PCDHA11: variants seen among roughly 807,000 people sequenced by gnomAD.
The protein encoded by PCDHA11 is protocadherin alpha-11.
A neutral mutation model predicts 70.3 loss-of-function variants in PCDHA11; 61 were observed. That is an observed-to-expected ratio of 0.87 (90% confidence interval 0.71 to 1.07). The LOEUF is 1.07. Ranked by LOEUF, PCDHA11 falls within the 50% of genes least tolerant of loss-of-function variation. PCDHA11 has a pLI of 0.00. For synonymous variants in PCDHA11, 633 were observed against 555.1 expected (o/e 1.14, Z -1.97); for missense variants, 1,324 against 1,237.5 (o/e 1.07, Z -1.05).
intron 1 of PCDHA11, chr5:140,876,569 G>C (rs1554168675): frequency 6.2e-7 from 1 of 1,614,186 alleles, no homozygotes; most frequent in Admixed American, 1.7e-5. Flanking sequence ...GCTCAGGTGG[G>C]TACCGTCATT....
chr5:140,876,191 C>T (rs1313911800), intron 1 of PCDHA11: 3 of 1,613,760 alleles, frequency 1.9e-6, no homozygotes, highest in Non-Finnish European at 2.5e-6. Context: ...GACAATGGTC[C>T]GGCGTTTGAT....
At chr5:140,892,927 C>G (rs1554185442) in intron 1 of PCDHA11, among the ~76,000 whole-genome samples, 1 of 152,152 alleles carries the variant, frequency 6.6e-6, no homozygotes, top group African/African-American at 2.4e-5. Context: ...CCTTCCCAGC[C>G]TCTGATAAGC....
At chr5:140,993,376 G>A (rs577656854) in intron 3 of PCDHA11, among the ~76,000 whole-genome samples, 6 of 151,752 alleles carry the variant, frequency 4.0e-5, no homozygotes, top group Non-Finnish European at 7.4e-5. Context: ...CCTCCCAGCC[G>A]GGTCCCTGAA....
At chr5:140,980,842 T>C (rs376646751) in intron 2 of PCDHA11, among the ~76,000 whole-genome samples, 2 of 152,328 alleles carry the variant, frequency 1.3e-5, no homozygotes, top group Non-Finnish European at 2.9e-5. Flanking sequence ...ACCTAAATAA[T>C]ACTAATCTTT....
At chr5:140,924,715 C>T (rs1258622619) in intron 1 of PCDHA11, among the ~76,000 whole-genome samples, 5 of 151,692 alleles carry the variant, frequency 3.3e-5, no homozygotes, top group African/African-American at 7.3e-5. Context: ...TGCAACATGG[C>T]GAAACCTCAC....
intron 1 of PCDHA11, chr5:140,884,138 G>T (rs782798249): frequency 6.2e-7 from 1 of 1,613,410 alleles, no homozygotes; most frequent in Admixed American, 1.7e-5. Context: ...CCCGTTCCGC[G>T]TGGGGCTGTA....
At chr5:140,879,173 G>T (rs1010561937) in intron 1 of PCDHA11, among the ~76,000 whole-genome samples, 2 of 152,160 alleles carry the variant, frequency 1.3e-5, no homozygotes, top group South Asian at 2.1e-4. Context: ...AATAAATTAG[G>T]TATCAAGTAA....
At chr5:141,007,704 C>T (rs2098341593) in intron 3 of PCDHA11, among the ~76,000 whole-genome samples, 1 of 152,200 alleles carries the variant, frequency 6.6e-6, no homozygotes, top group African/African-American at 2.4e-5. Flanking sequence ...CCTCCTCTGC[C>T]TCCCACCACC....
intron 1 of PCDHA11, chr5:140,969,008 G>A (rs782541476): frequency 6.2e-7 from 1 of 1,614,194 alleles, no homozygotes; most frequent in Non-Finnish European, 8.5e-7. Context: ...CTTCTGTGGA[G>A]TAAGGGAAAG....
At chr5:140,945,954 A>G (rs187878503) in intron 1 of PCDHA11, among the ~76,000 whole-genome samples, 130 of 152,264 alleles carry the variant, frequency 8.5e-4, no homozygotes, top group Non-Finnish European at 1.6e-3. Flanking sequence ...ATGACCCTGA[A>G]AGCACAGGCA....
chr5:140,966,860 T>A, intron 1 of PCDHA11: 1 of 1,577,482 alleles, frequency 6.3e-7, no homozygotes, highest in Middle Eastern at 1.7e-4. Flanking sequence ...CCTGCTGCTG[T>A]TGCTGCTGCT....
intron 3 of PCDHA11, among the ~76,000 whole-genome samples, chr5:140,987,219 A>G (rs1340141684): frequency 6.6e-6 from 1 of 151,240 alleles, no homozygotes; most frequent in African/African-American, 2.5e-5. Flanking sequence ...ATCTCAAAAA[A>G]AAAAAAAATA....
intron 1 of PCDHA11, among the ~76,000 whole-genome samples, chr5:140,943,840 G>T (rs528235230): frequency 1.4e-4 from 21 of 152,316 alleles, no homozygotes; most frequent in Non-Finnish European, 2.8e-4. Context: ...GAAGTTGTAA[G>T]ATGTCACAGA....
rs142866496 is a variant in PCDHA11, at chr5:140,917,224, G to A, written c.2391+45730G>A. Among the ~76,000 whole-genome samples, 29 of 151,040 alleles carry A rather than the reference G, an allele frequency of 1.9e-4. No homozygotes were observed. In the East Asian group the frequency reaches 2.2e-3, roughly 11 times the overall value. ...TCTTCAATGCCTCTTTTAGTGATAC[G>A]TTGTTAAATCTAGGTACTACGATTG... On this transcript the variant is annotated intron_variant, in intron 1 of 3. Transcript: ENST00000398640.
At chr5:140,888,557 T>G (rs2153424359) in intron 1 of PCDHA11, among the ~76,000 whole-genome samples, 1 of 152,366 alleles carries the variant, frequency 6.6e-6, no homozygotes, top group East Asian at 1.9e-4. Flanking sequence ...TTTATTCCTT[T>G]CAAGGCTTCA....
chr5:140,894,197 A>C (rs1378272032), intron 1 of PCDHA11, among the ~76,000 whole-genome samples: 1 of 152,008 alleles, frequency 6.6e-6, no homozygotes, highest in Non-Finnish European at 1.5e-5. Context: ...TATTTTTTCT[A>C]TGCTATTATA....
chr5:140,978,545 T>C (rs1478928718), intron 1 of PCDHA11, among the ~76,000 whole-genome samples: 2 of 152,258 alleles, frequency 1.3e-5, no homozygotes, highest in Non-Finnish European at 2.9e-5. Context: ...TGTGTAGCCA[T>C]GTGCCCTGTT....
At position 140,887,996 on chromosome 5, in the gene PCDHA11, AAT is replaced by A. The variant is rs1258672316; in HGVS notation, c.2391+16504_2391+16505del. 4.6e-5 allele frequency among the ~76,000 whole-genome samples: 7 copies of A among 152,330 alleles called. No individual in the cohort carries two copies. In the East Asian group the frequency reaches 7.7e-4, roughly 17 times the overall value. ...AAATTTATTTTACATGTCTCCACCGAATAGTCATCTTTTTATCTATATGTTTG... is the reference window on the plus strand; with the variant it reads ...AAATTTATTTTACATGTCTCCACCGAAGTCATCTTTTTATCTATATGTTTG... On this transcript the variant is annotated intron_variant, in intron 1 of 3. Coordinates refer to ENST00000398640, the MANE Select transcript of PCDHA11 (RefSeq NM_018902.5).
rs1554163808 is a variant in PCDHA11 at position 140,870,093 on chromosome 5, A to G, written c.990A>G (p.Ala330=). The stretch of plus-strand genomic sequence containing the variant: ...CAGATAAGGGGACTCCCCCAATGGC[A>G]GGTCACTGTACAGTCTGGGTGGAAA... The part of the protein sequence containing the change: ...QATDKGTPPM[A]GHCTVWVEIL... Residue 330 remains alanine, a synonymous_variant, in exon 1 of 4, where the codon GCA becomes GCG. Transcript: ENST00000398640. The G allele has an allele frequency of 6.8e-6, 11 of 1,613,930 alleles. No individual in the cohort carries two copies. Among genetic ancestry groups the G allele is most frequent in the Non-Finnish European group, 9.3e-6 (11 of 1,179,894 alleles).
Sources: allele counts gnomAD v4.1 joint callset (sites outside exome capture counted in the v4.1 genomes callset), GRCh38; gene constraint gnomAD v4.1.1; transcripts MANE v1.5; gene names NCBI Gene and HGNC (gene_info 2026-07-23, HGNC 2026-07-21).